The following GSG1L variants were observed in gnomAD, a reference collection of about 807,000 sequenced individuals.
GSG1L encodes GSG1 like.
In GSG1L, 24 loss-of-function variants were observed where a neutral mutation model predicts 42.1. That is an observed-to-expected ratio of 0.57 (90% CI 0.41 to 0.80). The LOEUF is 0.80. GSG1L is among the 30% of genes least tolerant of loss of function. The probability of loss-of-function intolerance (pLI) is 0.00; values close to 1 mark genes in which losing one functional copy is unlikely to be tolerated. For synonymous variants in GSG1L, 215 were observed against 203.5 expected, an observed-to-expected ratio of 1.06 and a Z score of -0.48; for missense variants, 445 against 472.2, an observed-to-expected ratio of 0.94 and a Z score of 0.53.
chr16:27,917,400 A>G (rs1032009761), intron 2 of GSG1L, among the ~76,000 whole-genome samples: 3 of 151,656 alleles, frequency 2.0e-5, no homozygotes, highest in African/African-American at 7.3e-5. Flanking sequence ...CATAGCTCCA[A>G]GGATGTAGGG....
At chr16:28,013,707 G>T (rs1417306434) in intron 1 of GSG1L, among the ~76,000 whole-genome samples, 1 of 152,170 alleles carries the variant, frequency 6.6e-6, no homozygotes, top group Admixed American at 6.6e-5. Context: ...GACCCCAAGC[G>T]CCACGTTAAG....
At position 27,870,534 on chromosome 16, in the gene GSG1L, C is replaced by A. The variant is rs9932470; in HGVS notation, c.550+13952G>T. 9.8e-3 allele frequency among the ~76,000 whole-genome samples: 1,478 copies of A among 151,480 alleles called. 74 individuals are homozygous for A. Among genetic ancestry groups the A allele is most frequent in the African/African-American group, 0.033 (1,354 of 40,782 alleles). On this transcript the variant is annotated intron_variant, in intron 3 of 6. Transcript: ENST00000447459. ...CATCATCTTCCTCTGCCTCCCATCT[C>A]CTGCTCCATCTCTTACCTTATCAGG...
rs80012071 is a variant in GSG1L at position 27,936,258 on chromosome 16, T to A, written c.397+26898A>T. Among the ~76,000 whole-genome samples the A allele has an allele frequency of 3.6e-3, 550 of 152,274 alleles. 1 individual carries two copies. The highest frequency in any genetic ancestry group is 0.013 in the African/African-American group (534 of 41,578). On this transcript the variant is annotated intron_variant, in intron 2 of 6. Transcript: ENST00000447459. ...TCACTGGGTGCTATAGTTTGGTTTATGTGACCCCCTCCAGATCTCAGGTTG... is the reference window on the plus strand; with the variant it reads ...TCACTGGGTGCTATAGTTTGGTTTAAGTGACCCCCTCCAGATCTCAGGTTG...
chr16:27,841,145 C>T (rs1290886796), intron 4 of GSG1L, among the ~76,000 whole-genome samples: 3 of 152,196 alleles, frequency 2.0e-5, no homozygotes, highest in Non-Finnish European at 2.9e-5. Flanking sequence ...GGCGGAAATT[C>T]GGGCTGTCCC....
chr16:27,980,797 G>T (rs576728132), intron 1 of GSG1L, among the ~76,000 whole-genome samples: 74 of 151,630 alleles, frequency 4.9e-4, no homozygotes, highest in African/African-American at 1.8e-3. Context: ...CAGAAGAACC[G>T]CTTGAACCTG....
intron 5 of GSG1L, among the ~76,000 whole-genome samples, chr16:27,827,328 G>A (rs1414946315): frequency 6.6e-6 from 1 of 152,158 alleles, no homozygotes; most frequent in African/African-American, 2.4e-5. Flanking sequence ...TACTGATTGG[G>A]ATAGGCCTGG....
At chr16:27,915,622 CTT>C (rs2084446147) in intron 2 of GSG1L, among the ~76,000 whole-genome samples, 1 of 152,102 alleles carries the variant, frequency 6.6e-6, no homozygotes, top group Non-Finnish European at 1.5e-5. Flanking sequence ...AGTCTGCTGT[CTT>C]GAGGAGATTG....
chr16:27,884,725 G>T lies in GSG1L; in HGVS notation c.398-87C>A. On this transcript the variant is annotated intron_variant, in intron 2 of 6. Transcript: ENST00000447459. The surrounding 1 kb of genome is among the most constrained non-coding windows in gnomAD (Gnocchi z 4.4). ...GCCTATTCCTCCCACAACAGCAGAG[G>T]GTAGCAAGTCATTCTAGAATAGAAC... 7.6e-7 allele frequency: 1 copy of T among 1,314,114 alleles called. No homozygotes were observed. Among genetic ancestry groups the T allele is most frequent in the South Asian group, 1.5e-5 (1 of 68,788 alleles). 81.4% of individuals were successfully genotyped at this position (1,314,114 alleles called of 1,614,324 possible).
chr16:27,929,145 G>A (rs749904916), intron 2 of GSG1L, among the ~76,000 whole-genome samples: 1 of 152,220 alleles, frequency 6.6e-6, no homozygotes, highest in Non-Finnish European at 1.5e-5. Flanking sequence ...CCAGATGTGA[G>A]AATCACTGCG....
intron 2 of GSG1L, among the ~76,000 whole-genome samples, chr16:27,936,186 C>A (rs571460121): frequency 6.6e-6 from 1 of 152,160 alleles, no homozygotes; most frequent in South Asian, 2.1e-4. Context: ...GGCAGACCAT[C>A]CTGCCCACTT....
At chr16:28,003,338 T>G (rs1261571776) in intron 1 of GSG1L, among the ~76,000 whole-genome samples, 1 of 152,244 alleles carries the variant, frequency 6.6e-6, no homozygotes, top group Non-Finnish European at 1.5e-5. Context: ...CAGCAGGGAC[T>G]GCAGGGGACG....
chr16:27,963,328 T>C (rs2085092670), intron 1 of GSG1L, 125 bp from the exon 2 acceptor site: 2 of 793,254 alleles, frequency 2.5e-6, no homozygotes, highest in Non-Finnish European at 4.3e-6. Flanking sequence ...GTGACATCTT[T>C]CTCCAACCCT....
At chr16:27,954,510 G>GC (rs1248651553) in intron 2 of GSG1L, among the ~76,000 whole-genome samples, 1 of 152,062 alleles carries the variant, frequency 6.6e-6, no homozygotes, top group Admixed American at 6.6e-5. Flanking sequence ...TACCTCCCAG[G>GC]CCCCCCATTT....
chr16:27,937,691 C>A (rs1392583289), intron 2 of GSG1L, among the ~76,000 whole-genome samples: 2 of 152,172 alleles, frequency 1.3e-5, no homozygotes, highest in South Asian at 4.1e-4. Flanking sequence ...GTTGAGTTGG[C>A]GGCTGGTGGG....
intron 4 of GSG1L, among the ~76,000 whole-genome samples, chr16:27,829,815 C>T (rs2140967342): frequency 6.6e-6 from 1 of 152,288 alleles, no homozygotes; most frequent in Middle Eastern, 3.4e-3. Context: ...GTGTCTGGCA[C>T]ATAGTAGGCA....
Position 27,984,428 on chromosome 16 carries a change from A to G in GSG1L, c.350-21225T>C, listed in dbSNP as rs116186834. On this transcript the variant is annotated intron_variant, in intron 1 of 6. Coordinates refer to ENST00000447459, the MANE Select transcript of GSG1L (RefSeq NM_001109763.2). ...CTTTTGGACACTTTTGGCCCATGGC[A>G]TGAGTACAAGGATGCCCCAGAAATG... Among the ~76,000 whole-genome samples the G allele has an allele frequency of 7.6e-3, 1,158 of 152,286 alleles. 14 individuals carry two copies. The highest frequency in any genetic ancestry group is 0.026 in the African/African-American group (1,075 of 41,550).
intron 1 of GSG1L, among the ~76,000 whole-genome samples, chr16:27,969,500 T>C (rs2085169442): frequency 2.0e-5 from 3 of 152,268 alleles, no homozygotes. Flanking sequence ...GTTTTGTGAC[T>C]ACCTTCTTTC....
At chr16:27,987,152 G>T (rs540949410) in intron 1 of GSG1L, among the ~76,000 whole-genome samples, 6 of 151,816 alleles carry the variant, frequency 4.0e-5, no homozygotes, top group Non-Finnish European at 7.4e-5. Context: ...GGGAGGCAGA[G>T]GTTGCAGTGA....
chr16:27,975,583 T>C (rs2085241599), intron 1 of GSG1L, among the ~76,000 whole-genome samples: 2 of 152,206 alleles, frequency 1.3e-5, no homozygotes, highest in Non-Finnish European at 2.9e-5. Context: ...TAGTCCTGTG[T>C]GCACTGTGGG....
Sources: gnomAD v4.1 joint callset for allele counts (sites outside exome capture counted in the v4.1 genomes callset) on GRCh38, gnomAD v4.1.1 for gene constraint, Gnocchi (gnomAD v3.1) non-coding constraint, MANE v1.5 for transcripts, NCBI Gene and HGNC (gene_info 2026-07-23, HGNC 2026-07-21) for gene names.